The following C1orf21 variants were observed in gnomAD, a reference collection of about 807,000 sequenced individuals.
C1orf21 encodes uncharacterized protein C1orf21.
In C1orf21, 3 loss-of-function variants were observed where a neutral mutation model predicts 18.7. The observed-to-expected ratio is 0.16, with a 90% CI of 0.07 to 0.42. The LOEUF is 0.42. C1orf21 is among the 10% of genes least tolerant of loss of function. The pLI, the probability that C1orf21 is intolerant of heterozygous loss-of-function variation, is 0.99. For missense variants in C1orf21, 104 were observed against 143.6 expected, an observed-to-expected ratio of 0.72 and a Z score of 1.41; for synonymous variants, 41 against 46.4, an observed-to-expected ratio of 0.88 and a Z score of 0.47.
chr1:184,426,315 T>A (rs1315586299), intron 1 of C1orf21, among the ~76,000 whole-genome samples: 2 of 152,204 alleles, frequency 1.3e-5, no homozygotes, highest in Non-Finnish European at 2.9e-5. Flanking sequence ...TCCTAACTGG[T>A]GGTCTTCTAC....
At chr1:184,527,179 G>C (rs1658389559) in intron 3 of C1orf21, among the ~76,000 whole-genome samples, 1 of 152,208 alleles carries the variant, frequency 6.6e-6, no homozygotes, top group Non-Finnish European at 1.5e-5. Flanking sequence ...TGATGCTCCA[G>C]TGTTGACTGG....
At position 184,429,696 on chromosome 1, in the gene C1orf21, G is replaced by C. The variant is rs1475053791; in HGVS notation, c.-125+42328G>C. On this transcript the variant is annotated intron_variant, in intron 1 of 5. Transcript: ENST00000235307. The stretch of plus-strand genomic sequence containing the variant: ...CCACAAGACAGTGTTGGGTTTGCCA[G>C]GTAATATACAGTATACTAAAAATAC... Among the ~76,000 whole-genome samples, 6 of 151,942 alleles carry C rather than the reference G, an allele frequency of 3.9e-5. No homozygotes were observed. The East Asian group carries it at 1.2e-3, about 29-fold the overall frequency.
chr1:184,572,800 AAATC>A (rs759297317), intron 3 of C1orf21, among the ~76,000 whole-genome samples: 1 of 152,098 alleles, frequency 6.6e-6, no homozygotes, highest in Non-Finnish European at 1.5e-5. Context: ...GAAAATACAA[AAATC>A]AGCCACGCAT....
chr1:184,555,698 T>G, intron 3 of C1orf21, among the ~76,000 whole-genome samples: 2 of 150,080 alleles, frequency 1.3e-5, no homozygotes, highest in Admixed American at 6.6e-5. Flanking sequence ...GGCAAGGAGT[T>G]GGGGGAGGAG....
chr1:184,492,143 A>G (rs972731866), intron 2 of C1orf21, among the ~76,000 whole-genome samples: 3 of 152,260 alleles, frequency 2.0e-5, no homozygotes, highest in Admixed American at 1.3e-4. Flanking sequence ...GAACAAGCAC[A>G]TAAACAAAAA....
chr1:184,421,173 C>A (rs1383129669), intron 1 of C1orf21, among the ~76,000 whole-genome samples: 1 of 152,182 alleles, frequency 6.6e-6, no homozygotes, highest in African/African-American at 2.4e-5. Context: ...GTCACCCAGG[C>A]TGGAGTGTAC....
At chr1:184,395,134 G>A (rs1399063371) in intron 1 of C1orf21, among the ~76,000 whole-genome samples, 1 of 152,024 alleles carries the variant, frequency 6.6e-6, no homozygotes, top group African/African-American at 2.4e-5. Context: ...TCCATGAACT[G>A]CTGTAATACT....
At chr1:184,456,584 A>G (rs554916416) in intron 1 of C1orf21, among the ~76,000 whole-genome samples, 23 of 148,074 alleles carry the variant, frequency 1.6e-4, no homozygotes, top group African/African-American at 5.8e-4. Flanking sequence ...AACAGTTATG[A>G]TAGCACAGGT....
chr1:184,511,798 A>G (rs1378374839), intron 3 of C1orf21, among the ~76,000 whole-genome samples: 1 of 151,602 alleles, frequency 6.6e-6, no homozygotes, highest in Non-Finnish European at 1.5e-5. Flanking sequence ...TCTTGTTCAC[A>G]TGGTGGCAGG....
At chr1:184,571,013 G>A (rs531005426) in intron 3 of C1orf21, among the ~76,000 whole-genome samples, 3 of 152,124 alleles carry the variant, frequency 2.0e-5, no homozygotes, top group African/African-American at 7.2e-5. Flanking sequence ...GTACGGTAAG[G>A]CCGGGCGCGG....
intron 5 of C1orf21, among the ~76,000 whole-genome samples, chr1:184,615,583 G>A (rs1387106077): frequency 1.3e-5 from 2 of 152,238 alleles, no homozygotes; most frequent in East Asian, 1.9e-4. Context: ...TCCCAAACCC[G>A]GCTCCCACTT....
intron 1 of C1orf21, among the ~76,000 whole-genome samples, chr1:184,390,051 C>G (rs1007208867): frequency 6.6e-6 from 1 of 152,182 alleles, no homozygotes; most frequent in Non-Finnish European, 1.5e-5. Flanking sequence ...AAAGGGTAAT[C>G]GTACAGTAAT....
intron 1 of C1orf21, among the ~76,000 whole-genome samples, chr1:184,451,773 G>A (rs1016891073): frequency 2.0e-5 from 3 of 152,130 alleles, no homozygotes; most frequent in Non-Finnish European, 2.9e-5. Flanking sequence ...TCCCAAATGA[G>A]CATATTGCAC....
intron 3 of C1orf21, among the ~76,000 whole-genome samples, chr1:184,530,624 G>T (rs1571400852): frequency 1.8e-5 from 2 of 108,366 alleles, no homozygotes; most frequent in African/African-American, 3.4e-5. Context: ...TTTTTGAGCT[G>T]GGGTTCACTT....
intron 3 of C1orf21, among the ~76,000 whole-genome samples, chr1:184,561,240 G>A (rs1041420949): frequency 6.6e-6 from 1 of 152,130 alleles, no homozygotes; most frequent in Non-Finnish European, 1.5e-5. Flanking sequence ...CCAACCCACT[G>A]CCCTCCTCAA....
chr1:184,400,244 T>C (rs1473487697), intron 1 of C1orf21, among the ~76,000 whole-genome samples: 1 of 152,210 alleles, frequency 6.6e-6, no homozygotes, highest in Admixed American at 6.5e-5. Flanking sequence ...CTACCCCAGA[T>C]CTTTTTAGTG....
chr1:184,439,254 C>T (rs1461423234), intron 1 of C1orf21, among the ~76,000 whole-genome samples: 8 of 151,922 alleles, frequency 5.3e-5, no homozygotes, highest in Admixed American at 5.3e-4. Context: ...CTTTTTCTGT[C>T]CCTATTTTTG....
chr1:184,548,454 G>C (rs1402973581), intron 3 of C1orf21, among the ~76,000 whole-genome samples: 2 of 125,524 alleles, frequency 1.6e-5, no homozygotes, highest in Non-Finnish European at 3.1e-5. Context: ...TCCCTCTGTC[G>C]CCCAGGCTGG....
chr1:184,611,612 C>T (rs1484875062), intron 5 of C1orf21, among the ~76,000 whole-genome samples: 1 of 152,132 alleles, frequency 6.6e-6, no homozygotes, highest in African/African-American at 2.4e-5. Flanking sequence ...GAGGTTGCCT[C>T]TGGATGGTAA....
Sources: gnomAD v4.1 joint callset for allele counts (sites outside exome capture counted in the v4.1 genomes callset) on GRCh38, gnomAD v4.1.1 for gene constraint, MANE v1.5 for transcripts, NCBI Gene and HGNC (gene_info 2026-07-23, HGNC 2026-07-21) for gene names.